Variants in UBE3B observed in about 807,000 individuals in gnomAD.
The protein encoded by UBE3B is ubiquitin protein ligase E3B, also known as ubiquitin-protein ligase E3B.
In UBE3B, 80 loss-of-function variants were observed where a neutral mutation model predicts 132.3. The observed-to-expected ratio is 0.60, with a 90% CI of 0.50 to 0.73. The LOEUF is 0.73. UBE3B is among the 30% of genes least tolerant of loss of function. The pLI is 0.00. For synonymous variants in UBE3B, 487 were observed against 520.4 expected (o/e 0.94, Z 0.87); for missense variants, 1,196 against 1,362.5 (o/e 0.88, Z 1.92).
At chr12:109,533,623 A>C (rs751480328) in intron 27 of UBE3B, 65 bp downstream of exon 27, 1 of 1,431,028 alleles carries the variant, frequency 7.0e-7, no homozygotes, top group Admixed American at 1.7e-5. Flanking sequence ...TGCTGTGCCC[A>C]CTGTGCAAGG....
intron 2 of UBE3B, among the ~76,000 whole-genome samples, chr12:109,482,750 G>T (rs769483795): frequency 6.6e-6 from 1 of 152,206 alleles, no homozygotes; most frequent in Non-Finnish European, 1.5e-5. Context: ...ACAGTTACTG[G>T]TGATTTAGAT....
chr12:109,545,932 G>A, the UBE3B span, among the ~76,000 whole-genome samples: 3 of 152,180 alleles, frequency 2.0e-5, no homozygotes, highest in African/African-American at 7.2e-5. Flanking sequence ...GTAAAGGGCC[G>A]ATCTACCCTG....
intron 15 of UBE3B, chr12:109,508,527 A>G (rs565008717): frequency 2.0e-6 from 2 of 985,392 alleles, no homozygotes; most frequent in African/African-American, 3.5e-5. Flanking sequence ...CCTTTTCCCA[A>G]AAGGTTGGTG....
intron 16 of UBE3B, 144 bp downstream of exon 16, chr12:109,509,858 T>G (rs1880136429): frequency 8.4e-6 from 5 of 593,644 alleles, no homozygotes; most frequent in Non-Finnish European, 1.5e-5. Flanking sequence ...GGAAATTTTC[T>G]TTCTTCACTC....
intron 9 of UBE3B, among the ~76,000 whole-genome samples, chr12:109,495,382 AC>A (rs1368496856): frequency 1.3e-5 from 2 of 152,192 alleles, no homozygotes; most frequent in Non-Finnish European, 2.9e-5. Flanking sequence ...TTTAAAAATA[AC>A]TTTATTGAAG....
Position 109,497,215 on chromosome 12 carries a change from ATTG to A in UBE3B, c.714-600_714-598del, listed in dbSNP as rs954700719. On this transcript the variant is annotated intron_variant, in intron 9 of 27. Coordinates refer to ENST00000342494, the MANE Select transcript of UBE3B (RefSeq NM_130466.4). The stretch of plus-strand genomic sequence containing the variant: ...CTCATAATTCTACAACCAGAGATAC[ATTG>A]TTAACTTTATCTGTCCTCAATCTTT... Among the ~76,000 whole-genome samples, 271 of 152,108 alleles carry A rather than the reference ATTG, an allele frequency of 1.8e-3. 5 individuals carry two copies. Among genetic ancestry groups the A allele is most frequent in the African/African-American group, 6.2e-3 (258 of 41,532 alleles).
chr12:109,493,744 A>G (rs745937313), intron 9 of UBE3B, among the ~76,000 whole-genome samples: 1 of 152,194 alleles, frequency 6.6e-6, no homozygotes, highest in Non-Finnish European at 1.5e-5. Flanking sequence ...TGAAATATGA[A>G]TAGCTAACAT....
intron 1 of UBE3B, among the ~76,000 whole-genome samples, chr12:109,480,189 GTTT>G (rs3214387): frequency 1.4e-5 from 2 of 140,508 alleles, no homozygotes; most frequent in East Asian, 4.1e-4. Flanking sequence ...CTGCTGAAGA[GTTT>G]TTTTTTTTTT....
rs376213401 is a variant in UBE3B at position 109,511,254 on chromosome 12, G to C, written c.1907G>C (p.Arg636Pro). Residue 636 changes from arginine (R) to proline (P), a missense_variant, in exon 18 of 28, where the codon CGG (arginine) becomes CCG (proline). Transcript: ENST00000342494. Reference protein sequence around the residue: ...LFQELDRDRKRAQLILQYIPH... With the variant: ...LFQELDRDRKPAQLILQYIPH... ...CAAGAACTCGACAGGGACAGAAAAC[G>C]GGCACAGTTGATCCTGCAGTACATC... The C allele has an allele frequency of 2.8e-5, 45 of 1,614,008 alleles. No homozygotes were observed. Among genetic ancestry groups the C allele is most frequent in the Non-Finnish European group, 3.7e-5 (44 of 1,180,020 alleles).
intron 18 of UBE3B, among the ~76,000 whole-genome samples, chr12:109,511,517 G>A (rs1172679013): frequency 6.6e-6 from 1 of 152,214 alleles, no homozygotes; most frequent in Non-Finnish European, 1.5e-5. Context: ...CTGGTGGAGT[G>A]GCAGCCCAGG....
At chr12:109,479,734 A>G (rs765804274) in intron 1 of UBE3B, among the ~76,000 whole-genome samples, 9 of 152,228 alleles carry the variant, frequency 5.9e-5, no homozygotes, top group Non-Finnish European at 1.3e-4. Flanking sequence ...AAATCAACCA[A>G]TAACATTGCT....
chr12:109,526,547 C>A, intron 24 of UBE3B, 131 bp downstream of exon 24: 2 of 989,948 alleles, frequency 2.0e-6, no homozygotes, highest in Non-Finnish European at 3.0e-6. Context: ...ATGGAATTTA[C>A]TGGTTACAGT....
chr12:109,492,810 C>T (rs1877668271), intron 9 of UBE3B: 1 of 151,158 alleles, frequency 6.6e-6, no homozygotes, highest in Non-Finnish European at 1.5e-5. Flanking sequence ...ACTAATATAT[C>T]CAAAATGTTA....
chr12:109,519,330 G>A (rs971613964), intron 19 of UBE3B, among the ~76,000 whole-genome samples: 9 of 152,192 alleles, frequency 5.9e-5, no homozygotes, highest in African/African-American at 2.2e-4. Flanking sequence ...CTCCCAAGAG[G>A]CATGGATATA....
Position 109,522,113 on chromosome 12 carries a change from G to A in UBE3B, c.2364+562G>A, listed in dbSNP as rs985889470. The stretch of plus-strand genomic sequence containing the variant: ...TTCAAGTTTCTTTAGTTTTTAAGCC[G>A]TGTTCTCGCATCAGTAAAGTGGAGA... On this transcript the variant is annotated intron_variant, in intron 21 of 27. Coordinates refer to ENST00000342494, the MANE Select transcript of UBE3B (RefSeq NM_130466.4). This position sits in a 1 kb window ranked among gnomAD's most constrained non-coding sequence, Gnocchi z 4.2. Among the ~76,000 whole-genome samples the A allele has an allele frequency of 2.0e-5, 3 of 152,184 alleles. No individual in the cohort carries two copies. The highest frequency in any genetic ancestry group is 4.4e-5 in the Non-Finnish European group (3 of 68,042).
At position 109,522,537 on chromosome 12, in the gene UBE3B, C is replaced by T. The variant is rs951410533; in HGVS notation, c.2364+986C>T. 5.3e-5 allele frequency among the ~76,000 whole-genome samples: 8 copies of T among 152,206 alleles called. No homozygotes were observed. Among genetic ancestry groups the T allele is most frequent in the Non-Finnish European group, 8.8e-5 (6 of 68,032 alleles). On this transcript the variant is annotated intron_variant, in intron 21 of 27. Transcript: ENST00000342494. This position sits in a 1 kb window ranked among gnomAD's most constrained non-coding sequence, Gnocchi z 4.2. ...GCTTCTGGCCCAAGCACGGAGGAAG[C>T]GAGCCACCTGGGCAGCACTCCTCGC... is the stretch of plus-strand genomic sequence containing the variant.
downstream of UBE3B, chr12:109,536,836 C>G (rs910839526): frequency 6.6e-6 from 1 of 152,202 alleles, no homozygotes; most frequent in South Asian, 2.1e-4. Flanking sequence ...GTCCTCATCT[C>G]CCCAGCCAGA....
rs1230527144 is a variant in UBE3B at position 109,534,135 on chromosome 12, C to G, written c.3016-456C>G. On this transcript the variant is annotated intron_variant, in intron 27 of 27. Transcript: ENST00000342494. The surrounding 1 kb of genome is among the most constrained non-coding windows in gnomAD (Gnocchi z 5.2). ...CTGCCTCTCATGATGCAGTTTGAGC[C>G]CGTGATGCCACCTTGTACAGGAAGC... is the stretch of plus-strand genomic sequence containing the variant. 1 of 1,291,972 alleles carries G rather than the reference C, an allele frequency of 7.7e-7. No homozygotes were observed. Among genetic ancestry groups the G allele is most frequent in the Non-Finnish European group, 1.0e-6 (1 of 992,800 alleles). The allele number at this position is 1,291,972 out of a possible 1,614,324, so 80.0% of individuals were successfully genotyped here.
chr12:109,506,451 C>A (rs924698019), intron 14 of UBE3B, among the ~76,000 whole-genome samples: 1 of 152,174 alleles, frequency 6.6e-6, no homozygotes, highest in South Asian at 2.1e-4. Flanking sequence ...CAGGTTCAAG[C>A]GATTCTCCTG....
Sources: allele counts gnomAD v4.1 joint callset (sites outside exome capture counted in the v4.1 genomes callset), GRCh38; gene constraint gnomAD v4.1.1; non-coding constraint Gnocchi (gnomAD v3.1); transcripts MANE v1.5; gene names NCBI Gene and HGNC (gene_info 2026-07-23, HGNC 2026-07-21).